DAB2: variants seen among roughly 807,000 people sequenced by gnomAD.
DAB2 encodes the protein disabled homolog 2.
DAB2 carries 28 observed loss-of-function variants against 71.6 expected under a neutral mutation model. The ratio of observed to expected loss-of-function variants is 0.39; its 90% CI spans 0.29 to 0.54. DAB2 has a LOEUF of 0.54. DAB2 is among the 20% of genes least tolerant of loss of function. The pLI is 0.68. For synonymous variants in DAB2, 345 were observed against 339.7 expected (o/e 1.02, Z -0.17); for missense variants, 867 against 928.8 (o/e 0.93, Z 0.86).
chr5:39,381,942 G>A (rs952954646), intron 10 of DAB2, among the ~76,000 whole-genome samples: 1 of 152,048 alleles, frequency 6.6e-6, no homozygotes, highest in Non-Finnish European at 1.5e-5. Flanking sequence ...TGTGTAAAAG[G>A]GGCAACTACC....
chr5:39,383,972 T>A (rs836302), intron 9 of DAB2, among the ~76,000 whole-genome samples: 6,483 of 152,286 alleles, frequency 0.043, 301 homozygotes, highest in African/African-American at 0.12. Flanking sequence ...TAGGATCTCA[T>A]CCTCATCATC....
intron 9 of DAB2, among the ~76,000 whole-genome samples, chr5:39,385,873 A>T (rs1755088768): frequency 6.6e-6 from 1 of 152,184 alleles, no homozygotes; most frequent in South Asian, 2.1e-4. Context: ...TTCTAGCCCA[A>T]CTATGATCTA....
chr5:39,389,893 C>G lies in DAB2; in HGVS notation c.502G>C (p.Val168Leu), dbSNP rs1472067286. 6.3e-7 allele frequency: 1 copy of G among 1,596,218 alleles called. No individual in the cohort carries two copies. The highest frequency in any genetic ancestry group is 1.7e-5 in the Admixed American group (1 of 57,668). ...TCCTTTTTCTTTACATTATAGATAA[C>G]TTGAAAAAGGTCTTTAAGATCAACA... ...LVVDLKDLFQ[V>L]IYNVKKKEEE... is the part of the protein sequence containing the mutation. Residue 168 changes from valine to leucine, a missense_variant, in exon 6 of 15, where the codon GTT (valine) becomes CTT (leucine). Transcript: ENST00000320816.
At chr5:39,386,151 T>G (rs1315321424) in intron 9 of DAB2, among the ~76,000 whole-genome samples, 1 of 152,206 alleles carries the variant, frequency 6.6e-6, no homozygotes, top group Non-Finnish European at 1.5e-5. Context: ...GGTTTTTATG[T>G]TTTTCTTTCT....
chr5:39,380,672 T>C (rs541488617), intron 11 of DAB2, among the ~76,000 whole-genome samples: 1 of 152,336 alleles, frequency 6.6e-6, no homozygotes, highest in South Asian at 2.1e-4. Flanking sequence ...CAAGTGGACT[T>C]TCCCACTGTC....
At chr5:39,415,754 TGGCC>T (rs747713535) in intron 1 of DAB2, among the ~76,000 whole-genome samples, 57 of 152,180 alleles carry the variant, frequency 3.7e-4, no homozygotes, top group Non-Finnish European at 7.9e-4. Context: ...CCACAAATGT[TGGCC>T]GCATGAAGTG....
At chr5:39,394,490 C>T (rs1755309690) in intron 1 of DAB2, 69 bp from the exon 2 acceptor site, 1 of 598,890 alleles carries the variant, frequency 1.7e-6, no homozygotes, top group East Asian at 2.8e-5. Flanking sequence ...CCAGAATAGG[C>T]TTACAACTAG....
In DAB2 at chr5:39,377,393, G is replaced by C; in HGVS notation, c.1505-111C>G. On this transcript the variant is annotated intron_variant, in intron 11 of 14. Transcript: ENST00000320816. The stretch of plus-strand genomic sequence containing the variant: ...CCTCTCCACAGCTAACACCTCCATT[G>C]AGCCCTGAGGCTGATATGGGAAGAA... 4 of 1,086,686 alleles carry C rather than the reference G, an allele frequency of 3.7e-6. No homozygotes were observed. In the South Asian group the frequency reaches 6.2e-5, roughly 17 times the overall value. 67.3% of individuals were successfully genotyped at this position (1,086,686 alleles called of 1,614,324 possible). A position where few individuals can be genotyped will look rare whatever the true frequency, so the allele number is the denominator to read the frequency against.
At chr5:39,391,948 T>C (rs1755236652) in intron 4 of DAB2, among the ~76,000 whole-genome samples, 1 of 128,084 alleles carries the variant, frequency 7.8e-6, no homozygotes, top group South Asian at 2.8e-4. Flanking sequence ...ATTAATCTAG[T>C]TCTGTATACC....
Position 39,376,010 on chromosome 5 carries a change from G to T in DAB2, c.2234C>A (p.Ser745Ter). The T allele has an allele frequency of 1.2e-6, 2 of 1,613,656 alleles. No homozygotes were observed. Among genetic ancestry groups the T allele is most frequent in the African/African-American group, 1.3e-5 (1 of 75,036 alleles). Residue 745 changes from serine (S) to a stop codon, truncating the protein, a stop_gained, in exon 13 of 15, where the codon TCA becomes TAA. Transcript: ENST00000320816. LOFTEE classifies it high-confidence loss of function. The part of the protein sequence containing the change: ...ENPFFKDSFG[S>*]SQASVASSQP... ...GTTCATACTTACAGAGGCTTGTGAT[G>T]AACCAAAAGAATCTTTAAAGAAAGG...
At chr5:39,416,143 C>T (rs117923421) in intron 1 of DAB2, among the ~76,000 whole-genome samples, 3 of 152,066 alleles carry the variant, frequency 2.0e-5, no homozygotes, top group East Asian at 3.9e-4. Flanking sequence ...AAAGCTATAC[C>T]ACGTTGTATC....
chr5:39,424,013 T>C (rs1756046515), intron 1 of DAB2: 1 of 152,186 alleles, frequency 6.6e-6, no homozygotes. Flanking sequence ...GCTGAAACTG[T>C]CTGCGGACCA....
chr5:39,392,481 AC>A lies in DAB2; in HGVS notation c.232-19del. The A allele has an allele frequency of 6.3e-7, 1 of 1,575,274 alleles. No homozygotes were observed. Among genetic ancestry groups the A allele is most frequent in the Middle Eastern group, 1.7e-4 (1 of 6,000 alleles). On this transcript the variant is annotated intron_variant, in intron 3 of 14. Coordinates refer to ENST00000320816, the MANE Select transcript of DAB2 (RefSeq NM_001343.4). ...GCCATTCCCTGATGAGGGTGGAAAA[AC>A]AAGAGAAGTTGAATTTTTAAAAACA...
intron 14 of DAB2, among the ~76,000 whole-genome samples, chr5:39,374,512 A>T (rs1436604622): frequency 6.6e-6 from 1 of 152,232 alleles, no homozygotes; most frequent in Non-Finnish European, 1.5e-5. Flanking sequence ...TAAAACTTTC[A>T]GATTTAATAC....
chr5:39,377,263 G>C lies in DAB2; in HGVS notation c.1524C>G (p.Leu508=). Residue 508 remains leucine (L), a synonymous_variant, in exon 12 of 15, where the codon CTC becomes CTG. Coordinates refer to ENST00000320816, the MANE Select transcript of DAB2 (RefSeq NM_001343.4). ...LVGLGGVTVT[L]PQAGPWNTAS... ...CTGTGTTCCATGGTCCTGCCTGAGG[G>C]AGTGTGACAGTTACACCACCTGAAG... 6.2e-7 allele frequency: 1 copy of C among 1,612,342 alleles called. No homozygotes were observed. The highest frequency in any genetic ancestry group is 8.5e-7 in the Non-Finnish European group (1 of 1,178,972).
intron 1 of DAB2, among the ~76,000 whole-genome samples, chr5:39,413,374 T>C (rs1755774478): frequency 6.6e-6 from 1 of 152,190 alleles, no homozygotes; most frequent in Non-Finnish European, 1.5e-5. Flanking sequence ...AAAGGTGGCT[T>C]TTTAAAAAGT....
chr5:39,389,905 C>A lies in DAB2; in HGVS notation c.490G>T (p.Asp164Tyr). 6.3e-7 allele frequency: 1 copy of A among 1,596,742 alleles called. No homozygotes were observed. Residue 164 changes from aspartate to tyrosine, a missense_variant, in exon 6 of 15, where the codon GAC becomes TAC. Physicochemically the swap from Asp to Tyr is radical, Grantham distance 160. This residue lies in a region of DAB2 where 740 missense variants were observed against 734.3 expected (regional missense o/e 1.01). Transcript: ENST00000320816. ...QAEPLVVDLK[D>Y]LFQVIYNVKK... ...ACATTATAGATAACTTGAAAAAGGT[C>A]TTTAAGATCAACAACTAATGGTTCA... is the stretch of plus-strand genomic sequence containing the variant.
At chr5:39,414,707 T>TA (rs1006996143) in intron 1 of DAB2, among the ~76,000 whole-genome samples, 51 of 126,246 alleles carry the variant, frequency 4.0e-4, no homozygotes, top group African/African-American at 1.5e-3. Flanking sequence ...ACCTTAAAGT[T>TA]AAAAAAAGGG....
At chr5:39,415,938 G>C (rs1334213171) in intron 1 of DAB2, among the ~76,000 whole-genome samples, 1 of 152,146 alleles carries the variant, frequency 6.6e-6, no homozygotes, top group Non-Finnish European at 1.5e-5. Context: ...ACTGTCTGCA[G>C]CTTAGAATGA....
Sources: allele counts gnomAD v4.1 joint callset (sites outside exome capture counted in the v4.1 genomes callset), GRCh38; gene constraint gnomAD v4.1.1; regional missense constraint gnomAD v4.1.1; transcripts MANE v1.5; gene names NCBI Gene and HGNC (gene_info 2026-07-23, HGNC 2026-07-21).